LCN9: variants seen among roughly 807,000 people sequenced by gnomAD.
LCN9 encodes the protein epididymal-specific lipocalin-9.
LCN9 carries 22 observed loss-of-function variants against 18.5 expected under a neutral mutation model. The observed-to-expected ratio is 1.19, with a 90% confidence interval of 0.85 to 1.70. The LOEUF (loss-of-function observed/expected upper bound fraction) is 1.70, where lower values mean the gene tolerates loss of function less well. LCN9 is among the 40% of genes most tolerant of loss of function. The pLI is 0.00. For missense variants in LCN9, 202 were observed against 201.3 expected (o/e 1.00, Z -0.02); for synonymous variants, 89 against 83.0 (o/e 1.07, Z -0.39).
chr9:135,665,601 G>T lies in LCN9; in HGVS notation c.419-87G>T. ...CCCCTGCCCAGCCTCAGCACTTCCT[G>T]AGCACCCCCAGCAAGGCCCAGCTTC... On this transcript the variant is annotated intron_variant, in intron 4 of 5. Coordinates refer to ENST00000619315, the Ensembl canonical transcript of LCN9. The surrounding 1 kb of genome is among the most constrained non-coding windows in gnomAD (Gnocchi z 5.9). 1 of 1,351,930 alleles carries T rather than the reference G, an allele frequency of 7.4e-7. No individual in the cohort carries two copies. Among genetic ancestry groups the T allele is most frequent in the South Asian group, 1.3e-5 (1 of 78,362 alleles). The allele number at this position is 1,351,930 out of a possible 1,614,324, so 83.7% of individuals were successfully genotyped here. A position where few individuals can be genotyped will look rare whatever the true frequency, so the allele number is the denominator to read the frequency against.
chr9:135,665,977 G>A lies in LCN9; in HGVS notation c.*126G>A. On this transcript the variant is annotated 3_prime_UTR_variant, in exon 6 of 6. Coordinates refer to ENST00000619315, the Ensembl canonical transcript of LCN9. The surrounding 1 kb of genome is among the most constrained non-coding windows in gnomAD (Gnocchi z 5.9). ...CTTGGGGCCAACGTCAGAGGCTGCGGGGTCCCACCCCAGGAGGTGCCCATC... is the reference window on the plus strand; with the variant it reads ...CTTGGGGCCAACGTCAGAGGCTGCGAGGTCCCACCCCAGGAGGTGCCCATC... 1.9e-6 allele frequency: 3 copies of A among 1,598,822 alleles called. No homozygotes were observed. Among genetic ancestry groups the A allele is most frequent in the Non-Finnish European group, 2.5e-6 (3 of 1,177,964 alleles).
chr9:135,665,222 C>T lies in LCN9; in HGVS notation c.308-23C>T, dbSNP rs376316784. ...CCCTGAGGGTGGCGGGGCCAGGCCA[C>T]GCTGAGCCATGTCTCCACGCAGATG... On this transcript the variant is annotated intron_variant, in intron 3 of 5. Transcript: ENST00000619315. The surrounding 1 kb of genome is among the most constrained non-coding windows in gnomAD (Gnocchi z 5.9). The T allele has an allele frequency of 1.4e-5, 21 of 1,518,544 alleles. No individual in the cohort carries two copies. The highest frequency in any genetic ancestry group is 4.1e-5 in the African/African-American group (3 of 72,676). The allele number at this position is 1,518,544 out of a possible 1,614,324, so 94.1% of individuals were successfully genotyped here.
chr9:135,664,448 G>T lies in LCN9; in HGVS notation c.233+150G>T. On this transcript the variant is annotated intron_variant, in intron 2 of 5. Coordinates refer to ENST00000619315, the Ensembl canonical transcript of LCN9. This position sits in a 1 kb window ranked among gnomAD's most constrained non-coding sequence, Gnocchi z 4.5. ...CCTGTGCGTGTGACCCTTGGGGGCA[G>T]GGTGAGGTGGGAGCAGGGACTTGGT... The T allele has an allele frequency of 4.7e-6, 5 of 1,053,410 alleles. No homozygotes were observed. The highest frequency in any genetic ancestry group is 5.6e-6 in the Non-Finnish European group (4 of 711,510). 65.3% of individuals were successfully genotyped at this position (1,053,410 alleles called of 1,614,324 possible).
chr9:135,664,752 G>A lies in LCN9; in HGVS notation c.264G>A (p.Val88=). ...AGGGGGAGTGTGTGGCTGTGGTCGT[G>A]GTCTGCGAGAAGACAGAGAAGAATG... The change falls in exon 3 of 6, where the codon GTG becomes GTA. Residue 88 remains valine, a synonymous_variant. Transcript: ENST00000619315. The surrounding 1 kb of genome is among the most constrained non-coding windows in gnomAD (Gnocchi z 4.5). The A allele has an allele frequency of 6.3e-7, 1 of 1,598,740 alleles. No homozygotes were observed. The highest frequency in any genetic ancestry group is 8.5e-7 in the Non-Finnish European group (1 of 1,173,066).
Position 135,665,725 on chromosome 9 carries a change from C to G in LCN9, c.456C>G (p.His152Gln). 1 of 1,613,606 alleles carries G rather than the reference C, an allele frequency of 6.2e-7. No individual in the cohort carries two copies. Residue 152 changes from histidine (H) to glutamine (Q), a missense_variant, in exon 5 of 6, where the codon CAC becomes CAG. Physicochemically the swap from His to Gln is conservative, Grantham distance 24. Coordinates refer to ENST00000619315, the Ensembl canonical transcript of LCN9. This position sits in a 1 kb window ranked among gnomAD's most constrained non-coding sequence, Gnocchi z 5.9. Reference sequence around the variant, plus strand: ...CTGCGAAAAGTACGGACTTGGCTCACAAAATATCATCGACTTGACCAACAA... The same window carrying G: ...CTGCGAAAAGTACGGACTTGGCTCAGAAAATATCATCGACTTGACCAACAA...
Position 135,665,959 on chromosome 9 carries a change from C to T in LCN9, c.*108C>T, listed in dbSNP as rs1263526945. ...GGGGCTGGATGGGGAGAGCTTGGGG[C>T]CAACGTCAGAGGCTGCGGGGTCCCA... On this transcript the variant is annotated 3_prime_UTR_variant, in exon 6 of 6. Transcript: ENST00000619315. This position sits in a 1 kb window ranked among gnomAD's most constrained non-coding sequence, Gnocchi z 5.9. The T allele has an allele frequency of 6.2e-7, 1 of 1,601,320 alleles. No individual in the cohort carries two copies. The highest frequency in any genetic ancestry group is 8.5e-7 in the Non-Finnish European group (1 of 1,177,550).
At position 135,665,180 on chromosome 9, in the gene LCN9, C is replaced by T. The variant is rs1321028823; in HGVS notation, c.308-65C>T. 11 of 1,138,738 alleles carry T rather than the reference C, an allele frequency of 9.7e-6. No individual in the cohort carries two copies. Among genetic ancestry groups the T allele is most frequent in the African/African-American group, 1.5e-5 (1 of 65,130 alleles). The allele number at this position is 1,138,738 out of a possible 1,614,324, so 70.5% of individuals were successfully genotyped here. On this transcript the variant is annotated intron_variant, in intron 3 of 5. Coordinates refer to ENST00000619315, the Ensembl canonical transcript of LCN9. This position sits in a 1 kb window ranked among gnomAD's most constrained non-coding sequence, Gnocchi z 5.9. ...CCCCCCATCCTCACTTGCGGCCACA[C>T]AGCACGTGTCACAGGACCCTGAGGG...
At chr9:135,666,088 C>T (rs79685304) in exon 6 of LCN9, 2 of 1,599,226 alleles carry the variant, frequency 1.3e-6, no homozygotes, top group African/African-American at 2.7e-5. Flanking sequence ...AGTGATGGGG[C>T]CTTCCAGGGT....
At position 135,664,102 on chromosome 9, in the gene LCN9, C is replaced by T. The variant is rs986620063; in HGVS notation, c.97-60C>T. ...GGGCCCTGGGAGGGAAGACTGTGGGCGCTAAGCATCCCCAGGGCTGTCCCG... is the reference window on the plus strand; with the variant it reads ...GGGCCCTGGGAGGGAAGACTGTGGGTGCTAAGCATCCCCAGGGCTGTCCCG... On this transcript the variant is annotated intron_variant, in intron 1 of 5. Transcript: ENST00000619315. This position sits in a 1 kb window ranked among gnomAD's most constrained non-coding sequence, Gnocchi z 4.5. 15 of 1,587,304 alleles carry T rather than the reference C, an allele frequency of 9.4e-6. No homozygotes were observed. Among genetic ancestry groups the T allele is most frequent in the South Asian group, 3.4e-5 (3 of 88,722 alleles).
chr9:135,665,903 C>T lies in LCN9; in HGVS notation c.*52C>T, dbSNP rs746351130. 1.9e-6 allele frequency: 3 copies of T among 1,612,130 alleles called. No homozygotes were observed. Among genetic ancestry groups the T allele is most frequent in the Admixed American group, 1.7e-5 (1 of 59,834 alleles). On this transcript the variant is annotated 3_prime_UTR_variant, in exon 6 of 6. Transcript: ENST00000619315. This position sits in a 1 kb window ranked among gnomAD's most constrained non-coding sequence, Gnocchi z 5.9. ...CATTACAGGAGCCCGCCCAGGCCTC[C>T]CATGCGTGAGCTGCGACTCGGGACG...
Position 135,664,709 on chromosome 9 carries a change from G to A in LCN9, c.234-13G>A. The A allele has an allele frequency of 6.4e-7, 1 of 1,573,948 alleles. No individual in the cohort carries two copies. The highest frequency in any genetic ancestry group is 2.3e-5 in the East Asian group (1 of 43,208). ...GGAGCTCCACTCCCGGCATCTTCCT[G>A]GCTGGCTTCCAGGGTGCAGGGGGAG... is the stretch of plus-strand genomic sequence containing the variant. On this transcript the variant is annotated splice_polypyrimidine_tract_variant and intron_variant, in intron 2 of 5. Transcript: ENST00000619315. This position sits in a 1 kb window ranked among gnomAD's most constrained non-coding sequence, Gnocchi z 4.5.
Position 135,663,418 on chromosome 9 carries a change from G to C in LCN9, c.96+1G>C. On this transcript the variant is annotated splice_donor_variant, in intron 1 of 5. Coordinates refer to ENST00000619315, the Ensembl canonical transcript of LCN9. LOFTEE classifies it high-confidence loss of function. ...GCAGAGGAACTACAACGTGGCCAGG[G>C]TGTGTCTGCGTTGGGGTCTGTGGGG... 3.7e-6 allele frequency: 6 copies of C among 1,613,506 alleles called. No homozygotes were observed. The highest frequency in any genetic ancestry group is 5.1e-6 in the Non-Finnish European group (6 of 1,179,496).
In LCN9 at chr9:135,664,880, C is replaced by T. The variant is rs544845738; in HGVS notation, c.307+85C>T. On this transcript the variant is annotated intron_variant, in intron 3 of 5. Transcript: ENST00000619315. This position sits in a 1 kb window ranked among gnomAD's most constrained non-coding sequence, Gnocchi z 4.5. ...TGGGCCATATTCTGGTGAGCACTGA[C>T]TCTGGGGATTTTAGTTAAGCCCCTG... 2.9e-4 allele frequency: 408 copies of T among 1,384,946 alleles called. 4 individuals are homozygous for T. The South Asian group carries it at 4.9e-3, about 17-fold the overall frequency. The allele number at this position is 1,384,946 out of a possible 1,614,324, so 85.8% of individuals were successfully genotyped here.
chr9:135,665,210 G>C lies in LCN9; in HGVS notation c.308-35G>C, dbSNP rs145736446. 3 of 1,424,452 alleles carry C rather than the reference G, an allele frequency of 2.1e-6. No individual in the cohort carries two copies. The highest frequency in any genetic ancestry group is 2.9e-6 in the Non-Finnish European group (3 of 1,029,284). The allele number at this position is 1,424,452 out of a possible 1,614,324, so 88.2% of individuals were successfully genotyped here. On this transcript the variant is annotated intron_variant, in intron 3 of 5. Transcript: ENST00000619315. This position sits in a 1 kb window ranked among gnomAD's most constrained non-coding sequence, Gnocchi z 5.9. ...CGTGTCACAGGACCCTGAGGGTGGC[G>C]GGGCCAGGCCACGCTGAGCCATGTC...
rs538019286 is a variant in LCN9 at position 135,665,147 on chromosome 9, C to T, written c.308-98C>T. ...GCTCCTCCCCTCCCGCCTCAAAAGG[C>T]CACTTGACCCCCCATCCTCACTTGC... On this transcript the variant is annotated intron_variant, in intron 3 of 5. Transcript: ENST00000619315. This position sits in a 1 kb window ranked among gnomAD's most constrained non-coding sequence, Gnocchi z 5.9. The T allele has an allele frequency of 1.9e-5, 16 of 858,748 alleles. No homozygotes were observed. The highest frequency in any genetic ancestry group is 2.8e-5 in the Non-Finnish European group (15 of 527,644). 53.2% of individuals were successfully genotyped at this position (858,748 alleles called of 1,614,324 possible).
exon 1 of LCN9, chr9:135,663,349 C>G (rs1274854553): frequency 1.2e-6 from 2 of 1,613,908 alleles, no homozygotes; most frequent in Admixed American, 3.3e-5. Context: ...GAGCCTGGGG[C>G]TGAGCCTCAT....
rs768861854 is a variant in LCN9 at position 135,664,749 on chromosome 9, C to T, written c.261C>T (p.Val87=). The change falls in exon 3 of 6, where the codon GTC becomes GTT. Residue 87 remains valine, a synonymous_variant. Coordinates refer to ENST00000619315, the Ensembl canonical transcript of LCN9. The surrounding 1 kb of genome is among the most constrained non-coding windows in gnomAD (Gnocchi z 4.5). ...TGCAGGGGGAGTGTGTGGCTGTGGT[C>T]GTGGTCTGCGAGAAGACAGAGAAGA... The T allele has an allele frequency of 3.8e-5, 61 of 1,598,444 alleles. No homozygotes were observed. In the Middle Eastern group the frequency reaches 1.0e-3, roughly 26 times the overall value.
At chr9:135,666,673 G>T (rs981964482) in exon 6 of LCN9, among the ~76,000 whole-genome samples, 3 of 152,146 alleles carry the variant, frequency 2.0e-5, no homozygotes, top group Admixed American at 6.5e-5. Context: ...ATTTCTGCAC[G>T]AGGGTTCCTG....
chr9:135,665,457 G>A lies in LCN9; in HGVS notation c.418+102G>A. The A allele has an allele frequency of 9.8e-7, 1 of 1,023,792 alleles. No individual in the cohort carries two copies. Among genetic ancestry groups the A allele is most frequent in the African/African-American group, 1.6e-5 (1 of 63,036 alleles). 63.4% of individuals were successfully genotyped at this position (1,023,792 alleles called of 1,614,324 possible). ...GGGTCTCGCAGTGGCCCTGGGGTTT[G>A]GAGAGGTGGTTCCCGTTGGCTATTC... On this transcript the variant is annotated intron_variant, in intron 4 of 5. Coordinates refer to ENST00000619315, the Ensembl canonical transcript of LCN9. This position sits in a 1 kb window ranked among gnomAD's most constrained non-coding sequence, Gnocchi z 5.9.
Sources: allele counts gnomAD v4.1 joint callset (sites outside exome capture counted in the v4.1 genomes callset), GRCh38; gene constraint gnomAD v4.1.1; non-coding constraint Gnocchi (gnomAD v3.1); transcripts MANE v1.5; gene names NCBI Gene and HGNC (gene_info 2026-07-23, HGNC 2026-07-21).